Variants in UNC80 observed in about 807,000 individuals in gnomAD.
The protein encoded by UNC80 is protein unc-80 homolog.
In UNC80, 164 loss-of-function variants were observed where a neutral mutation model predicts 384.6. That is an observed-to-expected ratio of 0.43 (90% CI 0.38 to 0.49). The LOEUF is 0.49. Among genes scored for constraint, UNC80 ranks in the 20% least tolerant of loss-of-function variants. The pLI is 0.00. For synonymous variants in UNC80, 1,486 were observed against 1,527.8 expected (o/e 0.97, Z 0.64); for missense variants, 3,330 against 4,143.0 (o/e 0.80, Z 5.39).
chr2:209,932,924 G>A (rs1222446581), intron 38 of UNC80, among the ~76,000 whole-genome samples: 2 of 152,032 alleles, frequency 1.3e-5, no homozygotes, highest in African/African-American at 2.4e-5. Flanking sequence ...CCCTCCTTAG[G>A]GTGTCCAGCA....
chr2:209,829,194 G>A (rs920095823), intron 14 of UNC80, 38 bp from the exon 15 acceptor site: 2 of 1,549,336 alleles, frequency 1.3e-6, no homozygotes, highest in Non-Finnish European at 1.7e-6. Context: ...GCTTAAGCTG[G>A]TACTTGTGAC....
rs543990253 is a variant in UNC80, at chr2:209,953,416, C to CAAA, written c.7287-660_7287-658dup. On this transcript the variant is annotated intron_variant, in intron 47 of 64. Coordinates refer to ENST00000673920, the MANE Select transcript of UNC80 (RefSeq NM_001371986.1). ...GGTGACTGACAGAGCAAGACTCTGTCAAAAAAAAAAAAAAAAAAAAAAAAA... is the reference window on the plus strand; with the variant it reads ...GGTGACTGACAGAGCAAGACTCTGTCAAAAAAAAAAAAAAAAAAAAAAAAAAAA... 9.9e-4 allele frequency among the ~76,000 whole-genome samples: 42 copies of CAAA among 42,406 alleles called. 1 individual carries two copies. The highest frequency in any genetic ancestry group is 2.2e-3 in the African/African-American group (28 of 12,952). 27.8% of individuals were successfully genotyped at this position (42,406 alleles called of 152,430 possible). A position where few individuals can be genotyped will look rare whatever the true frequency, so the allele number is the denominator to read the frequency against.
intron 29 of UNC80, among the ~76,000 whole-genome samples, chr2:209,910,322 T>G (rs952601008): frequency 6.6e-6 from 1 of 151,880 alleles, no homozygotes; most frequent in African/African-American, 2.4e-5. Flanking sequence ...CTCCTTCCAG[T>G]AGTCTGAGTT....
At chr2:209,772,988 T>C in intron 1 of UNC80, 106 bp from the exon 2 acceptor site, 1 of 909,224 alleles carries the variant, frequency 1.1e-6, no homozygotes, top group East Asian at 2.7e-5. Flanking sequence ...GCATGAAATT[T>C]GAATTTCATA....
At chr2:209,966,314 T>C (rs973223584) in intron 51 of UNC80, among the ~76,000 whole-genome samples, 2 of 152,218 alleles carry the variant, frequency 1.3e-5, no homozygotes, top group African/African-American at 4.8e-5. Flanking sequence ...TAAGCTTTTT[T>C]TTGAGGAAAA....
At chr2:209,794,710 A>G (rs7603924) in intron 7 of UNC80, 242,453 of 438,604 alleles carry the variant, frequency 0.55, 69,398 homozygotes, top group Admixed American at 0.63. Context: ...CTCGATAGTG[A>G]GTAAATCTCA....
At chr2:209,962,686 T>G (rs2092630290) in intron 51 of UNC80, among the ~76,000 whole-genome samples, 1 of 152,164 alleles carries the variant, frequency 6.6e-6, no homozygotes, top group African/African-American at 2.4e-5. Context: ...ACGCAATTTC[T>G]CACAACAAGC....
At chr2:209,851,519 A>T (rs552581605) in intron 22 of UNC80, among the ~76,000 whole-genome samples, 2 of 152,190 alleles carry the variant, frequency 1.3e-5, no homozygotes, top group South Asian at 4.1e-4. Context: ...TATAATAATT[A>T]ATTAACTCAG....
chr2:209,777,718 C>A (rs1260589493), intron 4 of UNC80, among the ~76,000 whole-genome samples, 159 bp downstream of exon 4: 6 of 152,158 alleles, frequency 3.9e-5, no homozygotes, highest in Non-Finnish European at 8.8e-5. Flanking sequence ...CTGAACATTG[C>A]TTCAAAAACA....
At chr2:209,897,012 G>A (rs1470538674) in intron 28 of UNC80, among the ~76,000 whole-genome samples, 2 of 152,076 alleles carry the variant, frequency 1.3e-5, no homozygotes, top group South Asian at 2.1e-4. Context: ...GGACCATCAC[G>A]GGGGTCACCA....
chr2:209,921,231 T>C (rs973748657), intron 33 of UNC80, among the ~76,000 whole-genome samples: 5 of 152,206 alleles, frequency 3.3e-5, no homozygotes, highest in Non-Finnish European at 7.3e-5. Context: ...ATCATTGATA[T>C]CCCTGCAAAT....
At chr2:209,905,774 A>G (rs932929583) in intron 29 of UNC80, among the ~76,000 whole-genome samples, 3 of 152,200 alleles carry the variant, frequency 2.0e-5, no homozygotes, top group Non-Finnish European at 2.9e-5. Context: ...TCAAGCAACT[A>G]TTACATTTTT....
intron 7 of UNC80, among the ~76,000 whole-genome samples, chr2:209,794,244 T>C (rs1181948141): frequency 2.0e-5 from 3 of 152,216 alleles, no homozygotes; most frequent in Non-Finnish European, 4.4e-5. Flanking sequence ...CTAAATCACA[T>C]AGGAATTTAA....
rs1305299766 is a variant in UNC80 at position 209,918,604 on chromosome 2, C to T, written c.5284C>T (p.Pro1762Ser). 6.4e-7 allele frequency: 1 copy of T among 1,552,048 alleles called. No individual in the cohort carries two copies. Among genetic ancestry groups the T allele is most frequent in the Non-Finnish European group, 8.7e-7 (1 of 1,147,048 alleles). Residue 1762 changes from proline (P) to serine (S), a missense_variant, in exon 33 of 65, where the codon CCA becomes TCA. By Grantham distance (74) the Pro-to-Ser change is moderately conservative. Around this residue, in one of 8 missense-constraint regions of UNC80, gnomAD observed 1,049 missense variants for 1,488.6 expected, o/e 0.70. Coordinates refer to ENST00000673920, the MANE Select transcript of UNC80 (RefSeq NM_001371986.1). The part of the protein sequence containing the change: ...LGMPSVPMFD[P>S]PWVPQCSGSV... ...AATGCCATCCGTCCCAATGTTTGAC[C>T]CACCGTGGGTTCCTCAGTGCAGCGG...
intron 6 of UNC80, among the ~76,000 whole-genome samples, chr2:209,792,370 C>T (rs188237257): frequency 2.6e-4 from 40 of 152,308 alleles, no homozygotes; most frequent in East Asian, 1.9e-4. Context: ...GTTTTTGAGA[C>T]GGAGTCTCAC....
At chr2:209,934,930 T>C (rs1182123966) in intron 39 of UNC80, among the ~76,000 whole-genome samples, 1 of 152,216 alleles carries the variant, frequency 6.6e-6, no homozygotes, top group East Asian at 1.9e-4. Flanking sequence ...ATTTTTAACA[T>C]ACTTAAAAAC....
At chr2:209,785,764 G>A (rs1203799115) in intron 4 of UNC80, among the ~76,000 whole-genome samples, 2 of 152,174 alleles carry the variant, frequency 1.3e-5, no homozygotes, top group East Asian at 1.9e-4. Context: ...AAATAAACAA[G>A]TTTCAATCAC....
At chr2:209,926,806 A>G (rs755917194) in intron 35 of UNC80, 37 bp from the exon 36 acceptor site, 2 of 1,550,472 alleles carry the variant, frequency 1.3e-6, no homozygotes, top group South Asian at 2.4e-5. Context: ...GAATTACGTT[A>G]CTGAGAAAAG....
intron 37 of UNC80, 130 bp from the exon 38 acceptor site, chr2:209,930,838 A>G (rs912481445): frequency 1.2e-5 from 7 of 607,748 alleles, no homozygotes; most frequent in Non-Finnish European, 1.7e-5. Context: ...AATGTTGAAC[A>G]TAATTGAAAT....
Sources: gnomAD v4.1 joint callset for allele counts (sites outside exome capture counted in the v4.1 genomes callset) on GRCh38, gnomAD v4.1.1 for gene constraint, gnomAD v4.1.1 regional missense constraint, MANE v1.5 for transcripts, NCBI Gene and HGNC (gene_info 2026-07-23, HGNC 2026-07-21) for gene names.